NIT1: variants seen among roughly 807,000 people sequenced by gnomAD.
NIT1 encodes the protein deaminated glutathione amidase.
NIT1 carries 30 observed loss-of-function variants against 36.8 expected under a neutral mutation model. The ratio of observed to expected loss-of-function variants is 0.82; its 90% CI spans 0.61 to 1.11. The LOEUF is 1.11. Ranked by LOEUF, NIT1 falls within the 50% of genes least tolerant of loss-of-function variation. The pLI, the probability that NIT1 is intolerant of heterozygous loss-of-function variation, is 0.00. For synonymous variants in NIT1, 151 were observed against 155.6 expected (o/e 0.97, Z 0.22); for missense variants, 438 against 410.6 (o/e 1.07, Z -0.58).
Position 161,118,876 on chromosome 1 carries a change from G to A in NIT1, c.93G>A (p.Gln31=). ...CTCAACTCTCAGTACTTTGTGCTCA[G>A]CCCAGGTAACACGTTTTGTTGTGTC... is the stretch of plus-strand genomic sequence containing the variant. The part of the protein sequence containing the change: ...RIPQLSVLCA[Q]PRPRAMAISS... The change falls in exon 2 of 7, where the codon CAG becomes CAA. Residue 31 remains glutamine (Q), a synonymous_variant. Transcript: ENST00000368009. 1 of 1,612,490 alleles carries A rather than the reference G, an allele frequency of 6.2e-7. No individual in the cohort carries two copies. Among genetic ancestry groups the A allele is most frequent in the South Asian group, 1.1e-5 (1 of 91,066 alleles).
downstream of NIT1, chr1:161,121,816 A>G (rs1328337431): frequency 4.6e-6 from 1 of 217,230 alleles, no homozygotes; most frequent in African/African-American, 2.3e-5. Context: ...TAGTGCATCC[A>G]AAAAAAAGTG....
At chr1:161,122,150 G>A (rs779701671), downstream of NIT1, 5 of 1,612,876 alleles carry the variant, frequency 3.1e-6, no homozygotes, top group Admixed American at 6.7e-5. This position sits in a 1 kb window ranked among gnomAD's most constrained non-coding sequence, Gnocchi z 4.2. Context: ...GAATAGGTCA[G>A]GGCAATGCTT....
At position 161,118,820 on chromosome 1, in the gene NIT1, C is replaced by T; in HGVS notation, c.37C>T (p.Leu13=). The part of the protein sequence containing the change: ...GFITRPPHRF[L]SLLCPGLRIP... Reference sequence around the variant, plus strand: ...CATCACCAGGCCTCCTCACAGATTCCTGTCCCTTCTGTGTCCTGGACTCCG... The same window carrying T: ...CATCACCAGGCCTCCTCACAGATTCTTGTCCCTTCTGTGTCCTGGACTCCG... The change falls in exon 2 of 7, where the codon CTG becomes TTG. Residue 13 remains leucine (L), a synonymous_variant. Coordinates refer to ENST00000368009, the MANE Select transcript of NIT1 (RefSeq NM_005600.3). The T allele has an allele frequency of 6.2e-7, 1 of 1,614,096 alleles. No individual in the cohort carries two copies. Among genetic ancestry groups the T allele is most frequent in the East Asian group, 2.2e-5 (1 of 44,888 alleles).
chr1:161,118,234 A>C, intron 1 of NIT1, 56 bp downstream of exon 1: 2 of 1,613,828 alleles, frequency 1.2e-6, no homozygotes, highest in Non-Finnish European at 1.7e-6. Flanking sequence ...CGGTGCTTTA[A>C]CTTGTGTAAC....
At chr1:161,118,354 C>A in intron 1 of NIT1, 176 bp downstream of exon 1, 2 of 1,519,756 alleles carry the variant, frequency 1.3e-6, no homozygotes, top group East Asian at 2.4e-5. Context: ...GCCCCTTGCC[C>A]ACCAGGGAGG....
At chr1:161,118,654 A>G (rs1194260853) in intron 1 of NIT1, 132 bp from the exon 2 acceptor site, 2 of 1,508,774 alleles carry the variant, frequency 1.3e-6, no homozygotes, top group Non-Finnish European at 1.8e-6. Flanking sequence ...TCTTATAAAG[A>G]GCGTTTTGAA....
intron 3 of NIT1, 36 bp from the exon 4 acceptor site, chr1:161,119,473 A>G: frequency 6.2e-7 from 1 of 1,613,464 alleles, no homozygotes; most frequent in South Asian, 1.1e-5. Flanking sequence ...AGCCTTGAGA[A>G]GTCAGTGAAG....
intron 1 of NIT1, 136 bp from the exon 2 acceptor site, chr1:161,118,650 A>G: frequency 1.3e-6 from 2 of 1,521,978 alleles, no homozygotes; most frequent in Non-Finnish European, 1.8e-6. Flanking sequence ...AATTTCTTAT[A>G]AAGAGCGTTT....
intron 1 of NIT1, 147 bp downstream of exon 1, chr1:161,118,325 T>C: frequency 2.0e-6 from 3 of 1,534,838 alleles, no homozygotes; most frequent in South Asian, 1.2e-5. Context: ...GGGGCGCGGC[T>C]TGGGGCCTGG....
chr1:161,121,018 G>A lies in NIT1; in HGVS notation c.*253G>A, dbSNP rs1204040163. 1 of 1,370,388 alleles carries A rather than the reference G, an allele frequency of 7.3e-7. No homozygotes were observed. The highest frequency in any genetic ancestry group is 1.5e-5 in the African/African-American group (1 of 68,490). 84.9% of individuals were successfully genotyped at this position (1,370,388 alleles called of 1,614,324 possible). On this transcript the variant is annotated 3_prime_UTR_variant, in exon 7 of 7. Transcript: ENST00000368009. The stretch of plus-strand genomic sequence containing the variant: ...TTTATTTCATGGAAACTGAAGTTCT[G>A]CTGAGGGCTGAGCAGCACTGGCATT...
chr1:161,118,897 G>A lies in NIT1; in HGVS notation c.98+16G>A, dbSNP rs1394912178. On this transcript the variant is annotated intron_variant, in intron 2 of 6. Transcript: ENST00000368009. ...CTCAGCCCAGGTAACACGTTTTGTT[G>A]TGTCCTCAGTGCCTGGCACTTAGAT... The A allele has an allele frequency of 1.3e-6, 2 of 1,576,726 alleles. No homozygotes were observed. Among genetic ancestry groups the A allele is most frequent in the Non-Finnish European group, 1.7e-6 (2 of 1,146,248 alleles).
chr1:161,121,917 A>G, downstream of NIT1: 2 of 538,780 alleles, frequency 3.7e-6, no homozygotes, highest in South Asian at 5.0e-5. Flanking sequence ...GTAGCTGTAG[A>G]GACACATTAC....
At chr1:161,122,285 T>C (rs148553688), downstream of NIT1, 100 of 1,614,232 alleles carry the variant, frequency 6.2e-5, no homozygotes, top group African/African-American at 1.3e-3. This position sits in a 1 kb window ranked among gnomAD's most constrained non-coding sequence, Gnocchi z 4.2. Flanking sequence ...TGAAGACACC[T>C]TTAAGTGCCT....
At chr1:161,124,105 C>T, downstream of NIT1, 1 of 1,594,464 alleles carries the variant, frequency 6.3e-7, no homozygotes. Context: ...TCCCACAACT[C>T]TTCCCTGATT....
At chr1:161,124,063 C>T (rs1283307857), downstream of NIT1, 8 of 1,577,838 alleles carry the variant, frequency 5.1e-6, no homozygotes, top group Non-Finnish European at 8.6e-7. Flanking sequence ...TGTGTCCTCC[C>T]CTTTGGACGC....
chr1:161,122,126 A>G, downstream of NIT1: 1 of 1,610,564 alleles, frequency 6.2e-7, no homozygotes, highest in Non-Finnish European at 8.5e-7. This position sits in a 1 kb window ranked among gnomAD's most constrained non-coding sequence, Gnocchi z 4.2. Flanking sequence ...AACAGTCCCC[A>G]AAGTGAGAAG....
At chr1:161,121,927 C>CG (rs2101732977), downstream of NIT1, 1 of 560,292 alleles carries the variant, frequency 1.8e-6, no homozygotes, top group African/African-American at 1.9e-5. Flanking sequence ...AGACACATTA[C>CG]GGGGTAAATG....
chr1:161,122,024 TAA>T (rs34197267), downstream of NIT1: 14,324 of 1,044,806 alleles, frequency 0.014, no homozygotes, highest in South Asian at 0.018. The surrounding 1 kb of genome is among the most constrained non-coding windows in gnomAD (Gnocchi z 4.2). Context: ...TCTTTTTCTT[TAA>T]AAAAAAAAAA....
downstream of NIT1, chr1:161,121,690 A>G (rs1217202023): frequency 1.3e-5 from 2 of 155,718 alleles, no homozygotes; most frequent in Non-Finnish European, 2.9e-5. Flanking sequence ...GTGGCGATTA[A>G]TTTTCAAAAT....
Sources: gnomAD v4.1 joint callset for allele counts on GRCh38, gnomAD v4.1.1 for gene constraint, Gnocchi (gnomAD v3.1) non-coding constraint, MANE v1.5 for transcripts, NCBI Gene and HGNC (gene_info 2026-07-23, HGNC 2026-07-21) for gene names.